Variants in DMGDH observed in about 807,000 individuals in gnomAD.
DMGDH encodes the protein dimethylglycine dehydrogenase.
DMGDH carries 76 observed loss-of-function variants against 95.2 expected under a neutral mutation model. The ratio of observed to expected loss-of-function variants is 0.80; its 90% CI spans 0.66 to 0.97. The LOEUF (loss-of-function observed/expected upper bound fraction) is 0.97. DMGDH is among the 50% of genes least tolerant of loss of function. The pLI, the probability that DMGDH is intolerant of heterozygous loss-of-function variation, is 0.00. For synonymous variants in DMGDH, 345 were observed against 377.6 expected (o/e 0.91, Z 1.00); for missense variants, 987 against 1,055.0 (o/e 0.94, Z 0.89).
rs371689941 is a variant in DMGDH at position 79,028,655 on chromosome 5, G to A, written c.1815-5C>T. On this transcript the variant is annotated splice_region_variant and splice_polypyrimidine_tract_variant and intron_variant, in intron 11 of 15. Coordinates refer to ENST00000255189, the MANE Select transcript of DMGDH (RefSeq NM_013391.3). ...ACTGCTTCTTCTTCAATCCATCTGC[G>A]TTTTAGTCATGAACATGGTGTTAAA... The A allele has an allele frequency of 2.4e-4, 388 of 1,613,672 alleles. No individual in the cohort carries two copies. The highest frequency in any genetic ancestry group is 1.8e-4 in the Non-Finnish European group (217 of 1,179,826).
chr5:79,061,186 T>C (rs141093710), intron 2 of DMGDH, among the ~76,000 whole-genome samples: 2,930 of 150,846 alleles, frequency 0.019, 94 homozygotes, highest in African/African-American at 0.067. Context: ...GCCACTGCAC[T>C]CCAGCCTGGG....
intron 1 of DMGDH, among the ~76,000 whole-genome samples, chr5:79,068,855 T>C (rs1415723634): frequency 6.6e-6 from 1 of 152,232 alleles, no homozygotes; most frequent in Non-Finnish European, 1.5e-5. Flanking sequence ...CCAGGGAAGA[T>C]GTGGGAAACA....
At chr5:79,006,443 C>A (rs377087669) in intron 14 of DMGDH, among the ~76,000 whole-genome samples, 2 of 152,126 alleles carry the variant, frequency 1.3e-5, no homozygotes, top group Non-Finnish European at 1.5e-5. Flanking sequence ...TGAGAGTGAG[C>A]GCCCTGGAGG....
chr5:79,054,394 G>A, intron 3 of DMGDH, 46 bp from the exon 4 acceptor site: 1 of 1,590,944 alleles, frequency 6.3e-7, no homozygotes, highest in Non-Finnish European at 8.6e-7. Flanking sequence ...GTCATTGTTT[G>A]GTACTCAAAC....
At chr5:79,038,939 A>C (rs944666355) in intron 7 of DMGDH, among the ~76,000 whole-genome samples, 3 of 152,012 alleles carry the variant, frequency 2.0e-5, no homozygotes, top group Admixed American at 6.6e-5. Flanking sequence ...TTTATGCAGC[A>C]AAAAGACACA....
At chr5:79,042,838 T>C (rs1377620941) in intron 6 of DMGDH, among the ~76,000 whole-genome samples, 1 of 152,188 alleles carries the variant, frequency 6.6e-6, no homozygotes, top group Admixed American at 6.6e-5. Context: ...CATAAGAACC[T>C]GTTTCATCCC....
chr5:79,044,360 T>A lies in DMGDH; in HGVS notation c.938A>T (p.Glu313Val), dbSNP rs1181526930. 6.2e-6 allele frequency: 10 copies of A among 1,614,080 alleles called. No homozygotes were observed. The highest frequency in any genetic ancestry group is 8.5e-6 in the Non-Finnish European group (10 of 1,180,036). ...ERDGLLFGPY[E>V]SQEKMKVQDS... ...CTGAACTTTCATTTTCTCTTGACTT[T>A]CATATGGACCAAACAAAAGCCCATC... The change falls in exon 6 of 16, where the codon GAA (glutamate) becomes GTA (valine). Residue 313 changes from glutamate to valine, a missense_variant. Coordinates refer to ENST00000255189, the MANE Select transcript of DMGDH (RefSeq NM_013391.3).
chr5:79,048,038 G>A (rs1258770310), intron 5 of DMGDH, among the ~76,000 whole-genome samples: 1 of 152,174 alleles, frequency 6.6e-6, no homozygotes, highest in Admixed American at 6.5e-5. Context: ...AAGGAGTTGA[G>A]CAGTCTTAAG....
intron 5 of DMGDH, among the ~76,000 whole-genome samples, chr5:79,046,216 A>G (rs1754671258): frequency 6.6e-6 from 1 of 152,092 alleles, no homozygotes; most frequent in South Asian, 2.1e-4. Context: ...CCTCCTGAGT[A>G]GCTGGGATTA....
At chr5:79,025,824 A>C (rs1753986036) in intron 13 of DMGDH, among the ~76,000 whole-genome samples, 1 of 152,236 alleles carries the variant, frequency 6.6e-6, no homozygotes, top group African/African-American at 2.4e-5. Context: ...TTTAAACCAC[A>C]GGCTGGCCAC....
chr5:79,005,096 G>T (rs41272260), intron 15 of DMGDH, among the ~76,000 whole-genome samples, 177 bp downstream of exon 15: 10,539 of 152,198 alleles, frequency 0.069, 390 homozygotes, highest in Non-Finnish European at 0.078. Context: ...GAGCAACATT[G>T]CATTTTCCTT....
intron 14 of DMGDH, among the ~76,000 whole-genome samples, chr5:79,022,016 G>C (rs1175388714): frequency 6.6e-6 from 1 of 152,192 alleles, no homozygotes; most frequent in Non-Finnish European, 1.5e-5. Flanking sequence ...GATACAGTCA[G>C]CTTCTACCTT....
At chr5:79,028,330 ACT>A in intron 12 of DMGDH, 101 bp downstream of exon 12, 5 of 1,016,154 alleles carry the variant, frequency 4.9e-6, no homozygotes, top group Non-Finnish European at 7.4e-6. Context: ...ATGCATACAC[ACT>A]CACACATTTC....
chr5:79,052,354 G>T (rs940370661), intron 4 of DMGDH, among the ~76,000 whole-genome samples: 5 of 152,152 alleles, frequency 3.3e-5, no homozygotes, highest in African/African-American at 1.2e-4. Context: ...CTTCTATTTT[G>T]GAAGAGTTTG....
intron 1 of DMGDH, among the ~76,000 whole-genome samples, chr5:79,065,873 C>A (rs1198987085): frequency 3.9e-5 from 6 of 152,094 alleles, no homozygotes; most frequent in Admixed American, 3.3e-4. Flanking sequence ...TACGGGACCA[C>A]CATTGTATAT....
chr5:79,057,878 C>T (rs1487783107), intron 2 of DMGDH, among the ~76,000 whole-genome samples: 1 of 152,130 alleles, frequency 6.6e-6, no homozygotes, highest in Admixed American at 6.5e-5. Context: ...TCCTCAAGAT[C>T]CTGTAAGCTT....
chr5:79,047,195 T>C (rs1448128463), intron 5 of DMGDH, among the ~76,000 whole-genome samples: 1 of 152,170 alleles, frequency 6.6e-6, no homozygotes, highest in Admixed American at 6.5e-5. Flanking sequence ...TTCTAAAATC[T>C]ACCATTATCA....
Position 79,026,472 on chromosome 5 carries a change from G to A in DMGDH, c.2142C>T (p.Ala714=), listed in dbSNP as rs1272448763. The A allele has an allele frequency of 6.2e-7, 1 of 1,614,022 alleles. No homozygotes were observed. The highest frequency in any genetic ancestry group is 8.5e-7 in the Non-Finnish European group (1 of 1,180,024). The change falls in exon 13 of 16, where the codon GCC becomes GCT. Residue 714 remains alanine (A), a synonymous_variant. Coordinates refer to ENST00000255189, the MANE Select transcript of DMGDH (RefSeq NM_013391.3). Reference sequence around the variant, plus strand: ...CTTTCTCCAGGCGTAAGGCATTCATGGCATAGGTTCCAAAATTGTCGATTC... The same window carrying A: ...CTTTCTCCAGGCGTAAGGCATTCATAGCATAGGTTCCAAAATTGTCGATTC... ...EEGIDNFGTY[A]MNALRLEKAF...
At chr5:79,049,009 G>A (rs1208626943) in intron 5 of DMGDH, among the ~76,000 whole-genome samples, 2 of 152,128 alleles carry the variant, frequency 1.3e-5, no homozygotes, top group African/African-American at 2.4e-5. Context: ...AAAAGCACAA[G>A]AACAAGGGAA....
Sources: gnomAD v4.1 joint callset for allele counts (sites outside exome capture counted in the v4.1 genomes callset) on GRCh38, gnomAD v4.1.1 for gene constraint, MANE v1.5 for transcripts, NCBI Gene and HGNC (gene_info 2026-07-23, HGNC 2026-07-21) for gene names.